The following SH3RF3 variants were observed in gnomAD, a reference collection of about 807,000 sequenced individuals.
SH3RF3 encodes the protein SH3 domain containing ring finger 3.
SH3RF3 carries 29 observed loss-of-function variants against 66.3 expected under a neutral mutation model. The observed-to-expected ratio is 0.44, with a 90% CI of 0.33 to 0.60. The LOEUF (loss-of-function observed/expected upper bound fraction) is 0.60. Ranked by LOEUF, SH3RF3 falls within the 20% of genes least tolerant of loss-of-function variation. The pLI is 0.04. For synonymous variants in SH3RF3, 583 were observed against 532.0 expected (o/e 1.10, Z -1.32); for missense variants, 1,194 against 1,190.9 (o/e 1.00, Z -0.04).
intron 1 of SH3RF3, among the ~76,000 whole-genome samples, chr2:109,325,403 G>GGA (rs1682131075): frequency 8.0e-6 from 1 of 125,138 alleles, no homozygotes; most frequent in Non-Finnish European, 1.6e-5. Context: ...GTACAGTGGT[G>GGA]TGATCATGGC....
chr2:109,304,888 C>T (rs573773056), intron 1 of SH3RF3, among the ~76,000 whole-genome samples: 20 of 152,240 alleles, frequency 1.3e-4, no homozygotes, highest in African/African-American at 3.6e-4. Context: ...CATGGGGTGA[C>T]GCTGCTGAGG....
Position 109,161,084 on chromosome 2 carries a change from C to A in SH3RF3, c.573+30971C>A, listed in dbSNP as rs369341316. Among the ~76,000 whole-genome samples the A allele has an allele frequency of 2.6e-5, 4 of 152,212 alleles. No homozygotes were observed. The East Asian group carries it at 7.7e-4, about 29-fold the overall frequency. On this transcript the variant is annotated intron_variant, in intron 1 of 9. Coordinates refer to ENST00000309415, the MANE Select transcript of SH3RF3 (RefSeq NM_001099289.3). ...AGGGTGCTTGTGATCACAAGGCAAT[C>A]GACTGTTCATTTAGAAGAGAAGCCG...
At chr2:109,191,172 C>T (rs907793800) in intron 1 of SH3RF3, among the ~76,000 whole-genome samples, 8 of 151,964 alleles carry the variant, frequency 5.3e-5, no homozygotes, top group African/African-American at 1.7e-4. Flanking sequence ...TGCTATCAAC[C>T]GGGTAGGAGG....
chr2:109,278,155 T>C (rs991026152), intron 1 of SH3RF3, among the ~76,000 whole-genome samples: 47 of 151,250 alleles, frequency 3.1e-4, no homozygotes, highest in Non-Finnish European at 1.3e-4. Flanking sequence ...CCAGCCTGAG[T>C]GATAGAGCAA....
chr2:109,328,328 C>T (rs1411648577), intron 1 of SH3RF3, among the ~76,000 whole-genome samples: 2 of 152,218 alleles, frequency 1.3e-5, no homozygotes, highest in Non-Finnish European at 2.9e-5. Context: ...CTACTCTTTT[C>T]CACCTATTTC....
At chr2:109,415,735 G>A (rs180753988) in intron 4 of SH3RF3, among the ~76,000 whole-genome samples, 14 of 152,228 alleles carry the variant, frequency 9.2e-5, no homozygotes, top group Admixed American at 5.2e-4. Flanking sequence ...CCTCCAAACC[G>A]TCACTTCATC....
At position 109,130,184 on chromosome 2, in the gene SH3RF3, G is replaced by A. The variant is rs1021210207; in HGVS notation, c.573+71G>A. The A allele has an allele frequency of 7.3e-6, 9 of 1,230,720 alleles. No homozygotes were observed. In the East Asian group the frequency reaches 1.6e-4, roughly 22 times the overall value. The allele number at this position is 1,230,720 out of a possible 1,614,324, so 76.2% of individuals were successfully genotyped here. On this transcript the variant is annotated intron_variant, in intron 1 of 9. Transcript: ENST00000309415. ...GTGGGTGGGTGCTTGGGCGTGGGGG[G>A]CAGTGATGAGGTGCGGAGGAGACCA... is the stretch of plus-strand genomic sequence containing the variant.
At position 109,303,450 on chromosome 2, in the gene SH3RF3, A is replaced by G. The variant is rs112923628; in HGVS notation, c.574-44224A>G. ...GGATGATCTTTGTGTAGACTGGTAC[A>G]TGGCAGAACACTAAGAAGATGAAAC... is the stretch of plus-strand genomic sequence containing the variant. On this transcript the variant is annotated intron_variant, in intron 1 of 9. Transcript: ENST00000309415. 6.7e-3 allele frequency among the ~76,000 whole-genome samples: 1,022 copies of G among 152,308 alleles called. 16 individuals carry two copies. The highest frequency in any genetic ancestry group is 0.024 in the African/African-American group (993 of 41,552).
intron 4 of SH3RF3, among the ~76,000 whole-genome samples, chr2:109,405,583 C>T (rs1676432655): frequency 6.6e-6 from 1 of 152,226 alleles, no homozygotes; most frequent in Non-Finnish European, 1.5e-5. Context: ...CCTTTTGCTG[C>T]CCCTCAGCAT....
chr2:109,180,031 G>A (rs1678039114), intron 1 of SH3RF3, among the ~76,000 whole-genome samples: 1 of 152,118 alleles, frequency 6.6e-6, no homozygotes, highest in Non-Finnish European at 1.5e-5. Context: ...CTCAAGTGGT[G>A]GGATCTTATT....
intron 1 of SH3RF3, among the ~76,000 whole-genome samples, chr2:109,170,316 CCT>C (rs141565429): frequency 7.4e-6 from 1 of 135,734 alleles, no homozygotes; most frequent in East Asian, 2.2e-4. Context: ...TCTCTTCTCT[CCT>C]CTCTCTCTCT....
chr2:109,314,787 T>G (rs909124005), intron 1 of SH3RF3, among the ~76,000 whole-genome samples: 4 of 152,230 alleles, frequency 2.6e-5, no homozygotes, highest in African/African-American at 9.6e-5. Context: ...TTTGTTTAAT[T>G]TAGGGTGTGA....
intron 1 of SH3RF3, among the ~76,000 whole-genome samples, chr2:109,210,640 G>C (rs764532248): frequency 2.0e-5 from 3 of 152,186 alleles, no homozygotes; most frequent in Admixed American, 1.3e-4. Flanking sequence ...GGGGCCTGGA[G>C]TAAGGGGAGA....
intron 1 of SH3RF3, among the ~76,000 whole-genome samples, chr2:109,232,568 A>G (rs1439226450): frequency 6.6e-6 from 1 of 152,166 alleles, no homozygotes; most frequent in Non-Finnish European, 1.5e-5. Flanking sequence ...GACCTTTCTC[A>G]TCATGCCTAA....
chr2:109,140,076 G>A (rs555088185), intron 1 of SH3RF3, among the ~76,000 whole-genome samples: 17 of 152,346 alleles, frequency 1.1e-4, no homozygotes, highest in African/African-American at 3.8e-4. Flanking sequence ...GGACAGGTCT[G>A]CGGAAGGCTT....
Position 109,129,777 on chromosome 2 carries a change from C to T in SH3RF3, c.237C>T (p.Arg79=), listed in dbSNP as rs1209046114. The change falls in exon 1 of 10, where the codon CGC becomes CGT. Residue 79 remains arginine, a synonymous_variant. Transcript: ENST00000309415. ...TGCCATGCCAACACACTTTCTGCCGCCGCTGCCTGGAGAGCATCGTGTGCT... is the reference window on the plus strand; with the variant it reads ...TGCCATGCCAACACACTTTCTGCCGTCGCTGCCTGGAGAGCATCGTGTGCT... ...KVLPCQHTFC[R]RCLESIVCSR... The T allele has an allele frequency of 5.8e-6, 9 of 1,539,342 alleles. No individual in the cohort carries two copies. Among genetic ancestry groups the T allele is most frequent in the Admixed American group, 2.0e-5 (1 of 50,484 alleles).
At chr2:109,187,582 A>G (rs891892279) in intron 1 of SH3RF3, among the ~76,000 whole-genome samples, 1 of 152,228 alleles carries the variant, frequency 6.6e-6, no homozygotes, top group Non-Finnish European at 1.5e-5. Flanking sequence ...CATGCTGCAC[A>G]GCTTTATAGG....
At chr2:109,289,486 C>T (rs1681114401) in intron 1 of SH3RF3, among the ~76,000 whole-genome samples, 1 of 152,128 alleles carries the variant, frequency 6.6e-6, no homozygotes, top group Non-Finnish European at 1.5e-5. Flanking sequence ...TGGTGCTGCT[C>T]TTATACGCAC....
intron 1 of SH3RF3, among the ~76,000 whole-genome samples, chr2:109,302,429 A>G (rs141921153): frequency 1.5e-3 from 230 of 152,352 alleles, no homozygotes; most frequent in Non-Finnish European, 2.6e-3. Flanking sequence ...CTGCCATGCC[A>G]TGGAGGCAGA....
Sources: allele counts gnomAD v4.1 joint callset (sites outside exome capture counted in the v4.1 genomes callset), GRCh38; gene constraint gnomAD v4.1.1; transcripts MANE v1.5; gene names NCBI Gene and HGNC (gene_info 2026-07-23, HGNC 2026-07-21).